GRM7: variants seen among roughly 807,000 people sequenced by gnomAD.
GRM7 encodes the protein metabotropic glutamate receptor 7.
In GRM7, 35 loss-of-function variants were observed where a neutral mutation model predicts 84.5. The ratio of observed to expected loss-of-function variants is 0.41; its 90% CI spans 0.32 to 0.55. The LOEUF is 0.55. Among genes scored for constraint, GRM7 ranks in the 20% least tolerant of loss-of-function variants. The pLI, the probability that GRM7 is intolerant of heterozygous loss-of-function variation, is 0.19. For synonymous variants in GRM7, 487 were observed against 455.1 expected, an observed-to-expected ratio of 1.07 and a Z score of -0.89; for missense variants, 1,003 against 1,194.6, an observed-to-expected ratio of 0.84 and a Z score of 2.36.
chr3:7,351,042 C>T (rs1255017614), intron 4 of GRM7, among the ~76,000 whole-genome samples: 1 of 151,958 alleles, frequency 6.6e-6, no homozygotes, highest in East Asian at 1.9e-4. Flanking sequence ...TTGCTAAAAC[C>T]CTAAAACAGT....
At chr3:6,987,722 T>G (rs1017751491) in intron 1 of GRM7, among the ~76,000 whole-genome samples, 4 of 152,194 alleles carry the variant, frequency 2.6e-5, no homozygotes, top group African/African-American at 9.7e-5. Context: ...TTGTATGACC[T>G]GCTTACTATA....
chr3:7,611,122 A>G (rs1414829063), intron 8 of GRM7, among the ~76,000 whole-genome samples: 1 of 152,138 alleles, frequency 6.6e-6, no homozygotes, highest in Non-Finnish European at 1.5e-5. Flanking sequence ...GACCTTCTGC[A>G]CATTAGTTAA....
chr3:7,042,630 T>C (rs1488662228), intron 1 of GRM7, among the ~76,000 whole-genome samples: 6 of 151,586 alleles, frequency 4.0e-5, no homozygotes, highest in Admixed American at 2.6e-4. Flanking sequence ...ATCTGGAGTA[T>C]TTTTTTCTTT....
chr3:7,033,415 A>G (rs1024006384), intron 1 of GRM7, among the ~76,000 whole-genome samples: 1 of 152,186 alleles, frequency 6.6e-6, no homozygotes, highest in Non-Finnish European at 1.5e-5. Context: ...ACCTAAAATC[A>G]AGTTTTCTCT....
intron 2 of GRM7, among the ~76,000 whole-genome samples, chr3:7,187,434 G>A (rs540340464): frequency 1.3e-5 from 2 of 152,322 alleles, no homozygotes; most frequent in African/African-American, 4.8e-5. Context: ...TAGTTGTGAT[G>A]TAGGACAGGT....
intron 4 of GRM7, among the ~76,000 whole-genome samples, chr3:7,398,614 G>GT (rs1231184163): frequency 1.3e-5 from 2 of 152,032 alleles, no homozygotes; most frequent in East Asian, 1.9e-4. Context: ...CTGTGGGTGG[G>GT]TTTTTTGTGT....
At chr3:7,363,242 C>A (rs965287893) in intron 4 of GRM7, among the ~76,000 whole-genome samples, 1 of 151,742 alleles carries the variant, frequency 6.6e-6, no homozygotes, top group Non-Finnish European at 1.5e-5. Context: ...ATTTAAATAA[C>A]AGTCTATGTG....
At chr3:7,623,507 CT>C (rs1366123020) in intron 8 of GRM7, among the ~76,000 whole-genome samples, 1 of 152,130 alleles carries the variant, frequency 6.6e-6, no homozygotes, top group Admixed American at 6.6e-5. Context: ...CTCATGTAAG[CT>C]GAATGGCACC....
chr3:7,372,508 G>A (rs1389424031), intron 4 of GRM7, among the ~76,000 whole-genome samples: 2 of 152,124 alleles, frequency 1.3e-5, no homozygotes, highest in East Asian at 3.9e-4. Context: ...GTCTACAGAT[G>A]TACAGACAAC....
At chr3:7,643,920 G>A (rs1163803435) in intron 8 of GRM7, among the ~76,000 whole-genome samples, 1 of 151,690 alleles carries the variant, frequency 6.6e-6, no homozygotes, top group African/African-American at 2.4e-5. Flanking sequence ...GTTATCTAAG[G>A]GGCTGGGCCA....
At chr3:6,924,783 C>A (rs1697243922) in intron 1 of GRM7, among the ~76,000 whole-genome samples, 1 of 152,118 alleles carries the variant, frequency 6.6e-6, no homozygotes, top group African/African-American at 2.4e-5. Context: ...ATATCTCCAA[C>A]ACAATGTCAG....
intron 1 of GRM7, among the ~76,000 whole-genome samples, chr3:7,106,659 A>G (rs1456051252): frequency 6.6e-6 from 1 of 152,020 alleles, no homozygotes; most frequent in Non-Finnish European, 1.5e-5. Context: ...GGTCCATTTT[A>G]GTCCTGGCAT....
chr3:7,702,049 A>C (rs1270682637), intron 9 of GRM7, among the ~76,000 whole-genome samples: 2 of 152,342 alleles, frequency 1.3e-5, no homozygotes, highest in East Asian at 1.9e-4. Flanking sequence ...GGAAGGAAGT[A>C]AAGAAAAAAA....
rs146912842 is a variant in GRM7 at position 7,579,086 on chromosome 3, A to G, written c.2180A>G (p.Asn727Ser). 24 of 1,613,898 alleles carry G rather than the reference A, an allele frequency of 1.5e-5. 1 individual carries two copies. The highest frequency in any genetic ancestry group is 1.9e-5 in the Non-Finnish European group (22 of 1,179,926). ...VFIWFGVDPP[N>S]IIIDYDEHKT... ...ATTTGGTTTGGTGTTGATCCACCCA[A>G]CATCATCATAGACTATGATGAACAC... is the stretch of plus-strand genomic sequence containing the variant. Residue 727 changes from asparagine (N) to serine (S), a missense_variant, in exon 8 of 10, where the codon AAC becomes AGC. Asn to Ser is a conservative substitution (Grantham distance 46). Coordinates refer to ENST00000357716, the MANE Select transcript of GRM7 (RefSeq NM_000844.4).
At chr3:7,548,460 C>G (rs188218722) in intron 7 of GRM7, among the ~76,000 whole-genome samples, 2 of 152,330 alleles carry the variant, frequency 1.3e-5, no homozygotes, top group African/African-American at 4.8e-5. Flanking sequence ...ATAAATTTCC[C>G]AGCCTCAGGT....
rs761570108 is a variant in GRM7, at chr3:7,276,201, A to ATGTGTG, written c.737-22482_737-22481insGTGTGT. On this transcript the variant is annotated intron_variant, in intron 2 of 9. Coordinates refer to ENST00000357716, the MANE Select transcript of GRM7 (RefSeq NM_000844.4). ...CCATTATTTTTTAAATTATATATAT[A>ATGTGTG]TATATATGTGTGTGTGTGTGTGTGT... Among the ~76,000 whole-genome samples, 451 of 133,904 alleles carry ATGTGTG rather than the reference A, an allele frequency of 3.4e-3. 1 individual carries two copies. Among genetic ancestry groups the ATGTGTG allele is most frequent in the Non-Finnish European group, 5.8e-3 (354 of 61,286 alleles). The allele number at this position is 133,904 out of a possible 152,430, so 87.8% of individuals were successfully genotyped here.
chr3:7,612,872 A>C (rs1696906362), intron 8 of GRM7, among the ~76,000 whole-genome samples: 1 of 152,194 alleles, frequency 6.6e-6, no homozygotes, highest in African/African-American at 2.4e-5. Context: ...GATTCAGTGA[A>C]AGATCCATTG....
At chr3:7,210,965 T>C (rs926427707) in intron 2 of GRM7, among the ~76,000 whole-genome samples, 3 of 152,234 alleles carry the variant, frequency 2.0e-5, no homozygotes, top group African/African-American at 7.2e-5. Flanking sequence ...TCTCTATCCC[T>C]GGTGGTGCTA....
In GRM7 at chr3:7,146,592, T is replaced by G; in HGVS notation, c.660T>G (p.Tyr220Ter). 1 of 1,614,044 alleles carries G rather than the reference T, an allele frequency of 6.2e-7. No individual in the cohort carries two copies. Among genetic ancestry groups the G allele is most frequent in the Non-Finnish European group, 8.5e-7 (1 of 1,179,964 alleles). ...TTGTAAAGGCCCTAGGCTGGAATTA[T>G]GTGTCTACCCTCGCATCGGAAGGAA... ...VDIVKALGWNYVSTLASEGSY... is the reference protein window; with the variant it reads ...VDIVKALGWN Residue 220 changes from tyrosine to a stop codon, truncating the protein, a stop_gained, in exon 2 of 10, where the codon TAT (tyrosine) becomes TAG (stop). Coordinates refer to ENST00000357716, the MANE Select transcript of GRM7 (RefSeq NM_000844.4). LOFTEE classifies it high-confidence loss of function.
Sources: allele counts gnomAD v4.1 joint callset (sites outside exome capture counted in the v4.1 genomes callset), GRCh38; gene constraint gnomAD v4.1.1; transcripts MANE v1.5; gene names NCBI Gene and HGNC (gene_info 2026-07-23, HGNC 2026-07-21).